The following FSTL5 variants were observed in gnomAD, a reference collection of about 807,000 sequenced individuals.
FSTL5 encodes the protein follistatin-related protein 5.
In FSTL5, 62 loss-of-function variants were observed where a neutral mutation model predicts 89.1. The ratio of observed to expected loss-of-function variants is 0.70; its 90% CI spans 0.57 to 0.86. The LOEUF (loss-of-function observed/expected upper bound fraction) is 0.86, where lower values mean the gene tolerates loss of function less well. Ranked by LOEUF, FSTL5 falls within the 40% of genes least tolerant of loss-of-function variation. FSTL5 has a pLI of 0.00. For synonymous variants in FSTL5, 383 were observed against 346.2 expected (o/e 1.11, Z -1.18); for missense variants, 1,057 against 1,001.6 (o/e 1.06, Z -0.75).
chr4:162,148,946 C>G (rs995139580), intron 1 of FSTL5, among the ~76,000 whole-genome samples: 80 of 152,128 alleles, frequency 5.3e-4, no homozygotes, highest in African/African-American at 1.9e-3. Context: ...ACAAGCCAAG[C>G]AATCAATCAA....
chr4:161,502,617 C>G (rs1048715213), intron 11 of FSTL5, among the ~76,000 whole-genome samples: 3 of 151,846 alleles, frequency 2.0e-5, no homozygotes, highest in African/African-American at 7.2e-5. Context: ...TTTTCCACTA[C>G]CTTTAATGGT....
intron 2 of FSTL5, among the ~76,000 whole-genome samples, chr4:162,046,908 T>C (rs1327314152): frequency 2.6e-5 from 4 of 152,136 alleles, no homozygotes; most frequent in African/African-American, 9.7e-5. Context: ...AGAGTTGTCA[T>C]AGGAATCTAA....
intron 11 of FSTL5, among the ~76,000 whole-genome samples, chr4:161,507,755 A>G (rs1248197664): frequency 6.6e-6 from 1 of 151,924 alleles, no homozygotes; most frequent in Non-Finnish European, 1.5e-5. Context: ...AAATTTATTT[A>G]GATTATAAAC....
intron 1 of FSTL5, among the ~76,000 whole-genome samples, chr4:162,153,774 T>C (rs1354797536): frequency 1.2e-5 from 1 of 82,134 alleles, no homozygotes; most frequent in Non-Finnish European, 2.7e-5. Flanking sequence ...ATGTATATTA[T>C]ATGTATACAT....
intron 15 of FSTL5, among the ~76,000 whole-genome samples, chr4:161,409,211 CCA>C (rs1304702219): frequency 6.6e-6 from 1 of 152,062 alleles, no homozygotes; most frequent in Non-Finnish European, 1.5e-5. Context: ...TAGCAGCAGA[CCA>C]CACAGCAGAA....
intron 3 of FSTL5, among the ~76,000 whole-genome samples, chr4:161,923,299 T>TG (rs1331581243): frequency 6.7e-5 from 6 of 89,138 alleles, no homozygotes; most frequent in African/African-American, 2.3e-4. Context: ...TTATCTAAAC[T>TG]TTAAAAAAAA....
At chr4:161,390,323 G>A (rs1268670899) in intron 15 of FSTL5, among the ~76,000 whole-genome samples, 1 of 152,138 alleles carries the variant, frequency 6.6e-6, no homozygotes, top group Non-Finnish European at 1.5e-5. Context: ...CAAAGGATAT[G>A]GAGAGGTTGC....
At chr4:161,708,390 T>C (rs1738662316) in intron 6 of FSTL5, among the ~76,000 whole-genome samples, 1 of 152,072 alleles carries the variant, frequency 6.6e-6, no homozygotes, top group Non-Finnish European at 1.5e-5. Flanking sequence ...CAGTATATTT[T>C]CTGTAATGCA....
chr4:161,418,086 C>T (rs563139131), intron 15 of FSTL5, among the ~76,000 whole-genome samples: 90 of 152,242 alleles, frequency 5.9e-4, no homozygotes, highest in Middle Eastern at 3.4e-3. Context: ...TAGCTCAATT[C>T]ATCTGTTTTC....
chr4:161,854,883 T>C (rs891849831), intron 4 of FSTL5, among the ~76,000 whole-genome samples: 2 of 152,020 alleles, frequency 1.3e-5, no homozygotes, highest in African/African-American at 2.4e-5. Flanking sequence ...ATTTTAATAA[T>C]GTTAAAAAAA....
At chr4:162,155,849 C>T (rs62331319) in intron 1 of FSTL5, among the ~76,000 whole-genome samples, 79,708 of 151,576 alleles carry the variant, frequency 0.53, 21,092 homozygotes, top group Admixed American at 0.59. Context: ...AATGGAAAAG[C>T]AGGCTGACTA....
chr4:161,688,254 T>C (rs1257063926), intron 6 of FSTL5, among the ~76,000 whole-genome samples: 1 of 152,072 alleles, frequency 6.6e-6, no homozygotes, highest in Admixed American at 6.6e-5. Context: ...AGCTAATATA[T>C]TTAATTTTTA....
chr4:161,906,448 C>T (rs577994067), intron 4 of FSTL5, among the ~76,000 whole-genome samples: 105 of 152,076 alleles, frequency 6.9e-4, no homozygotes, highest in Middle Eastern at 3.4e-3. Context: ...GCTTTTTATG[C>T]GCTTAACAGT....
At chr4:161,651,136 T>C (rs567164964) in intron 7 of FSTL5, among the ~76,000 whole-genome samples, 1 of 152,170 alleles carries the variant, frequency 6.6e-6, no homozygotes, top group South Asian at 2.1e-4. Flanking sequence ...CCAAAGGAAC[T>C]CACAAACCAG....
chr4:162,096,978 T>C (rs1052386150), intron 2 of FSTL5, among the ~76,000 whole-genome samples: 1 of 151,870 alleles, frequency 6.6e-6, no homozygotes, highest in Non-Finnish European at 1.5e-5. Context: ...TAAGATGAAA[T>C]AGCAGTTTGT....
chr4:161,669,207 C>T (rs981854649), intron 6 of FSTL5, among the ~76,000 whole-genome samples: 1 of 151,136 alleles, frequency 6.6e-6, no homozygotes, highest in African/African-American at 2.4e-5. Context: ...TCAGTATTAT[C>T]AAGATATCAG....
intron 15 of FSTL5, among the ~76,000 whole-genome samples, chr4:161,448,952 G>A (rs1361687109): frequency 6.6e-6 from 1 of 152,058 alleles, no homozygotes; most frequent in Non-Finnish European, 1.5e-5. Flanking sequence ...TTGGGGTGTG[G>A]TGCTGGGGAG....
At chr4:161,901,274 C>T (rs1368863584) in intron 4 of FSTL5, among the ~76,000 whole-genome samples, 4 of 151,676 alleles carry the variant, frequency 2.6e-5, no homozygotes, top group Non-Finnish European at 4.4e-5. Flanking sequence ...TTTTAAGTAG[C>T]GTAGCCTGTG....
chr4:161,871,369 T>G (rs1732256827), intron 4 of FSTL5, among the ~76,000 whole-genome samples: 1 of 152,130 alleles, frequency 6.6e-6, no homozygotes, highest in Admixed American at 6.6e-5. Context: ...GAGTCTGTTT[T>G]GTAGATAAAT....
Sources: gnomAD v4.1 joint callset for allele counts (sites outside exome capture counted in the v4.1 genomes callset) on GRCh38, gnomAD v4.1.1 for gene constraint, MANE v1.5 for transcripts, NCBI Gene and HGNC (gene_info 2026-07-23, HGNC 2026-07-21) for gene names.